The following RNF216 variants were observed in gnomAD, a reference collection of about 807,000 sequenced individuals.
The protein encoded by RNF216 is ring finger protein 216, also known as E3 ubiquitin-protein ligase RNF216.
RNF216 carries 72 observed loss-of-function variants against 110.8 expected under a neutral mutation model. That is an observed-to-expected ratio of 0.65 (90% CI 0.54 to 0.79). The LOEUF is 0.79. Among genes scored for constraint, RNF216 ranks in the 30% least tolerant of loss-of-function variants. RNF216 has a pLI of 0.00. For synonymous variants in RNF216, 495 were observed against 407.5 expected (o/e 1.21, Z -2.59); for missense variants, 1,342 against 1,141.2 (o/e 1.18, Z -2.54).
chr7:5,731,899 C>T (rs1170987273), intron 5 of RNF216, among the ~76,000 whole-genome samples: 1 of 144,982 alleles, frequency 6.9e-6, no homozygotes, highest in Non-Finnish European at 1.5e-5. Context: ...GTTTGGGGAC[C>T]GGTTTGGAGA....
intron 14 of RNF216, among the ~76,000 whole-genome samples, chr7:5,646,967 A>C (rs1263174126): frequency 6.6e-6 from 1 of 152,124 alleles, no homozygotes; most frequent in African/African-American, 2.4e-5. Flanking sequence ...GCATGTGTTG[A>C]GCCCTAGACA....
At chr7:5,777,884 A>G (rs1160329823) in intron 1 of RNF216, among the ~76,000 whole-genome samples, 2 of 152,160 alleles carry the variant, frequency 1.3e-5, no homozygotes, top group African/African-American at 4.8e-5. Flanking sequence ...AAACATCAAG[A>G]TTTTCTTCAA....
chr7:5,666,075 AG>A (rs1205270391), intron 13 of RNF216, among the ~76,000 whole-genome samples: 1 of 151,500 alleles, frequency 6.6e-6, no homozygotes, highest in African/African-American at 2.4e-5. Context: ...CTGAGGCAGG[AG>A]AATGGCGTGA....
intron 1 of RNF216, among the ~76,000 whole-genome samples, chr7:5,778,119 G>A (rs1480934864): frequency 6.6e-6 from 1 of 152,148 alleles, no homozygotes; most frequent in Non-Finnish European, 1.5e-5. Flanking sequence ...TCTCACCATG[G>A]TGAAACCGAA....
chr7:5,736,922 G>A (rs904044140), intron 5 of RNF216, among the ~76,000 whole-genome samples: 5 of 150,932 alleles, frequency 3.3e-5, no homozygotes, highest in Admixed American at 2.0e-4. Flanking sequence ...CCCTCCGCCC[G>A]GCAGCCGCCC....
intron 14 of RNF216, among the ~76,000 whole-genome samples, chr7:5,648,005 C>A (rs1788153390): frequency 6.6e-6 from 1 of 152,188 alleles, no homozygotes; most frequent in East Asian, 1.9e-4. Flanking sequence ...CACCCAGACA[C>A]TGCATAGCTC....
intron 13 of RNF216, among the ~76,000 whole-genome samples, chr7:5,681,499 T>C (rs1169195525): frequency 1.3e-5 from 2 of 152,160 alleles, no homozygotes; most frequent in African/African-American, 2.4e-5. Flanking sequence ...CTCTAGTTTA[T>C]TCCAAGGGGT....
chr7:5,632,653 T>C (rs1385734465), intron 15 of RNF216, among the ~76,000 whole-genome samples: 1 of 152,106 alleles, frequency 6.6e-6, no homozygotes, highest in Non-Finnish European at 1.5e-5. Context: ...GGTGGGTGCC[T>C]GTAATTCCAG....
chr7:5,683,441 C>T (rs1045233970), intron 13 of RNF216, among the ~76,000 whole-genome samples: 3 of 152,308 alleles, frequency 2.0e-5, no homozygotes, highest in Middle Eastern at 3.4e-3. Context: ...AGTGGTGCTG[C>T]CAGACTGCTC....
At chr7:5,765,102 C>T (rs907890205) in intron 1 of RNF216, among the ~76,000 whole-genome samples, 1 of 146,096 alleles carries the variant, frequency 6.8e-6, no homozygotes, top group Non-Finnish European at 1.5e-5. Flanking sequence ...TGGGATAAAA[C>T]AATTTTTACA....
intron 13 of RNF216, chr7:5,666,572 A>G (rs1369445681): frequency 1.3e-5 from 2 of 152,298 alleles, no homozygotes; most frequent in East Asian, 3.9e-4. Flanking sequence ...GAGCCTCTGC[A>G]ATGGCTGTGC....
At chr7:5,689,212 G>A (rs6968103) in intron 13 of RNF216, among the ~76,000 whole-genome samples, 9,225 of 152,000 alleles carry the variant, frequency 0.061, 937 homozygotes, top group African/African-American at 0.21. Flanking sequence ...GATGCTTGAC[G>A]GGGGCAAAGG....
At chr7:5,746,027 A>C (rs900877497) in intron 3 of RNF216, among the ~76,000 whole-genome samples, 9 of 152,216 alleles carry the variant, frequency 5.9e-5, no homozygotes, top group African/African-American at 2.2e-4. Context: ...GTCCTTTGAC[A>C]GGTCTGGCAA....
At chr7:5,776,952 G>C (rs28706472) in intron 1 of RNF216, among the ~76,000 whole-genome samples, 1 of 51,870 alleles carries the variant, frequency 1.9e-5, no homozygotes, top group African/African-American at 6.4e-5. Flanking sequence ...GAGAAAAAAA[G>C]AAAGAAAGAA....
chr7:5,760,514 C>CAA (rs781341328), intron 2 of RNF216: 10 of 280,290 alleles, frequency 3.6e-5, no homozygotes, highest in East Asian at 1.3e-4. Flanking sequence ...AATTCCATCT[C>CAA]AAAAAAAGAA....
intron 1 of RNF216, chr7:5,777,775 C>G (rs956199539): frequency 4.6e-5 from 7 of 152,180 alleles, no homozygotes; most frequent in African/African-American, 1.7e-4. Flanking sequence ...TTTAACAGCT[C>G]TAAGAATCCT....
At chr7:5,723,056 G>A (rs1014577724) in intron 8 of RNF216, among the ~76,000 whole-genome samples, 12 of 152,094 alleles carry the variant, frequency 7.9e-5, no homozygotes, top group African/African-American at 2.9e-4. Context: ...TGGGCTACTC[G>A]CTAGCTGTGT....
At chr7:5,716,239 T>C (rs1158131809) in intron 10 of RNF216, among the ~76,000 whole-genome samples, 5 of 151,920 alleles carry the variant, frequency 3.3e-5, no homozygotes, top group Non-Finnish European at 4.4e-5. Flanking sequence ...TAGCCAGGTG[T>C]AGTGGCTCAC....
chr7:5,716,597 A>G (rs984120512), intron 10 of RNF216, 119 bp downstream of exon 10: 3 of 714,428 alleles, frequency 4.2e-6, no homozygotes, highest in African/African-American at 3.5e-5. Context: ...TGAACTGCAA[A>G]CTCACCAAAC....
Sources: allele counts gnomAD v4.1 joint callset (sites outside exome capture counted in the v4.1 genomes callset), GRCh38; gene constraint gnomAD v4.1.1; transcripts MANE v1.5; gene names NCBI Gene and HGNC (gene_info 2026-07-23, HGNC 2026-07-21).